MVB12B: variants seen among roughly 807,000 people sequenced by gnomAD.
MVB12B encodes ESCRT-I complex subunit MVB12B.
MVB12B carries 16 observed loss-of-function variants against 41.6 expected under a neutral mutation model. The ratio of observed to expected loss-of-function variants is 0.38; its 90% CI spans 0.26 to 0.58. The LOEUF is 0.58. Among genes scored for constraint, MVB12B ranks in the 20% least tolerant of loss-of-function variants. The probability of loss-of-function intolerance (pLI) is 0.62; values close to 1 mark genes in which losing one functional copy is unlikely to be tolerated. For synonymous variants in MVB12B, 133 were observed against 139.7 expected, an observed-to-expected ratio of 0.95 and a Z score of 0.34; for missense variants, 274 against 380.2, an observed-to-expected ratio of 0.72 and a Z score of 2.32.
At chr9:126,476,064 C>T (rs1833412894) in intron 7 of MVB12B, among the ~76,000 whole-genome samples, 1 of 152,182 alleles carries the variant, frequency 6.6e-6, no homozygotes, top group Non-Finnish European at 1.5e-5. Context: ...AGCACATGGG[C>T]CGAGGGGTGG....
chr9:126,415,734 G>A (rs1169391344), intron 6 of MVB12B, among the ~76,000 whole-genome samples: 1 of 152,120 alleles, frequency 6.6e-6, no homozygotes, highest in African/African-American at 2.4e-5. Flanking sequence ...TGTGTACTGG[G>A]CATTGTTCTC....
In MVB12B at chr9:126,371,394, GC is replaced by G. The variant is rs556528662; in HGVS notation, c.205-9664del. Among the ~76,000 whole-genome samples, 4 of 152,346 alleles carry G rather than the reference GC, an allele frequency of 2.6e-5. No individual in the cohort carries two copies. The East Asian group carries it at 7.7e-4, about 29-fold the overall frequency. On this transcript the variant is annotated intron_variant, in intron 2 of 9. Transcript: ENST00000361171. Reference sequence around the variant, plus strand: ...GTATCTCCCATTTCCTGTCTCGTGGGCCCCCCACGGAACTGTCTTCCCTGCC... The same window carrying G: ...GTATCTCCCATTTCCTGTCTCGTGGGCCCCCACGGAACTGTCTTCCCTGCC...
At chr9:126,454,914 A>G (rs1402020624) in intron 7 of MVB12B, among the ~76,000 whole-genome samples, 1 of 152,090 alleles carries the variant, frequency 6.6e-6, no homozygotes, top group Non-Finnish European at 1.5e-5. Flanking sequence ...ACTGATAGGA[A>G]TACTGGGCAG....
At chr9:126,330,020 CAG>C (rs914526437) in intron 1 of MVB12B, among the ~76,000 whole-genome samples, 1 of 151,814 alleles carries the variant, frequency 6.6e-6, no homozygotes, top group African/African-American at 2.4e-5. Context: ...GTGGGTTTGC[CAG>C]AGTCAGGTCT....
At chr9:126,397,758 A>G (rs1831157724) in intron 6 of MVB12B, 2 of 394,004 alleles carry the variant, frequency 5.1e-6, no homozygotes, top group Non-Finnish European at 6.9e-6. Flanking sequence ...TCTTTGATTT[A>G]TTTTAAAATG....
Position 126,487,703 on chromosome 9 carries a change from G to A in MVB12B, c.873+3671G>A, listed in dbSNP as rs1833648574. On this transcript the variant is annotated intron_variant, in intron 9 of 9. Transcript: ENST00000361171. ...AATCACTTGAGCCCAGGAGACGGAGGTTGCAGTGAGCCGAGATTGCACCAT... is the reference window on the plus strand; with the variant it reads ...AATCACTTGAGCCCAGGAGACGGAGATTGCAGTGAGCCGAGATTGCACCAT... Among the ~76,000 whole-genome samples the A allele has an allele frequency of 2.7e-5, 4 of 150,586 alleles. 1 individual carries two copies. The South Asian group carries it at 8.3e-4, about 31-fold the overall frequency.
rs1407821656 is a variant in MVB12B, at chr9:126,444,929, A to G, written c.757+22981A>G. On this transcript the variant is annotated intron_variant, in intron 7 of 9. Coordinates refer to ENST00000361171, the MANE Select transcript of MVB12B (RefSeq NM_033446.3). ...TGTTGTGTTCCATTGAGTTGAATGC[A>G]TATTCCAATGGGAGGGTCACGCTTT... Among the ~76,000 whole-genome samples the G allele has an allele frequency of 3.3e-5, 5 of 152,194 alleles. No homozygotes were observed. The South Asian group carries it at 1.0e-3, about 31-fold the overall frequency.
chr9:126,501,346 T>C (rs1369379724), intron 9 of MVB12B, among the ~76,000 whole-genome samples: 2 of 152,196 alleles, frequency 1.3e-5, no homozygotes, highest in African/African-American at 2.4e-5. Flanking sequence ...ATGAGTTCAC[T>C]GAGGGCAGGA....
chr9:126,341,505 A>G (rs948193308), intron 2 of MVB12B, among the ~76,000 whole-genome samples: 1 of 152,250 alleles, frequency 6.6e-6, no homozygotes, highest in Non-Finnish European at 1.5e-5. Context: ...GTGAAAGAAC[A>G]CGAATCTCAT....
chr9:126,501,262 C>T (rs1037589929), intron 9 of MVB12B, among the ~76,000 whole-genome samples: 21 of 152,330 alleles, frequency 1.4e-4, no homozygotes, highest in African/African-American at 2.6e-4. Flanking sequence ...TAGGGCGCGG[C>T]GGGCCCTGAT....
chr9:126,351,552 G>T (rs113502856), intron 2 of MVB12B, among the ~76,000 whole-genome samples: 3 of 140,968 alleles, frequency 2.1e-5, no homozygotes, highest in African/African-American at 8.0e-5. Context: ...GCAGTGGTGC[G>T]ATCTCAGCTC....
At chr9:126,383,001 G>A (rs1295962506) in intron 3 of MVB12B, among the ~76,000 whole-genome samples, 1 of 152,234 alleles carries the variant, frequency 6.6e-6, no homozygotes, top group Non-Finnish European at 1.5e-5. Flanking sequence ...TTGAAGCAGA[G>A]TAGGAGATAG....
rs750581562 is a variant in MVB12B at position 126,327,002 on chromosome 9, C to G, written c.73C>G (p.Arg25Gly). The G allele has an allele frequency of 4.4e-6, 1 of 227,058 alleles. No homozygotes were observed. The highest frequency in any genetic ancestry group is 4.2e-5 in the South Asian group (1 of 23,776). The allele number at this position is 227,058 out of a possible 1,614,324, so 14.1% of individuals were successfully genotyped here. Residue 25 changes from arginine (R) to glycine (G), a missense_variant, in exon 1 of 10, where the codon CGG (arginine) becomes GGG (glycine). Physicochemically the swap from Arg to Gly is moderately radical, Grantham distance 125. Coordinates refer to ENST00000361171, the MANE Select transcript of MVB12B (RefSeq NM_033446.3). ...PPQPPPPPPQ[R>G]GTDQSTMPEV... ...GCAGCCACCGCCGCCGCCGCCCCAG[C>G]GGGGAACAGTTAAGTGAGGCCCGGG...
At chr9:126,424,326 C>T (rs895476449) in intron 7 of MVB12B, among the ~76,000 whole-genome samples, 8 of 152,132 alleles carry the variant, frequency 5.3e-5, no homozygotes, top group African/African-American at 1.9e-4. Context: ...AAGGGTGAGA[C>T]GTGGCACAGA....
intron 6 of MVB12B, among the ~76,000 whole-genome samples, chr9:126,407,742 C>G (rs1013536933): frequency 6.6e-6 from 1 of 152,064 alleles, no homozygotes; most frequent in Admixed American, 6.5e-5. Flanking sequence ...TACCAAAGAC[C>G]GTGTTGTAAA....
chr9:126,380,588 C>T (rs1049618036), intron 2 of MVB12B, among the ~76,000 whole-genome samples: 11 of 152,220 alleles, frequency 7.2e-5, no homozygotes, highest in African/African-American at 2.4e-4. Flanking sequence ...CCTGCCCCAG[C>T]CTCCAGTAGA....
At chr9:126,421,520 C>T (rs1187671638) in intron 6 of MVB12B, among the ~76,000 whole-genome samples, 1 of 152,220 alleles carries the variant, frequency 6.6e-6, no homozygotes, top group African/African-American at 2.4e-5. Flanking sequence ...CTTGCTGGTG[C>T]ATTTTGCCCA....
intron 9 of MVB12B, among the ~76,000 whole-genome samples, chr9:126,492,438 G>A (rs1833752587): frequency 1.3e-5 from 2 of 151,896 alleles, no homozygotes; most frequent in Admixed American, 6.6e-5. Context: ...TGAACAGGGC[G>A]GGGCTATTGG....
intron 2 of MVB12B, among the ~76,000 whole-genome samples, chr9:126,356,902 C>T (rs537113002): frequency 3.9e-5 from 6 of 152,080 alleles, no homozygotes; most frequent in African/African-American, 1.4e-4. Context: ...CCCCAGAAGC[C>T]AAGCAGATGC....
Sources: gnomAD v4.1 joint callset for allele counts (sites outside exome capture counted in the v4.1 genomes callset) on GRCh38, gnomAD v4.1.1 for gene constraint, MANE v1.5 for transcripts, NCBI Gene and HGNC (gene_info 2026-07-23, HGNC 2026-07-21) for gene names.